Variants in GPC3 observed in about 807,000 individuals in gnomAD.
The protein encoded by GPC3 is glypican-3.
Under a neutral mutation model 34.4 loss-of-function variants are expected in GPC3, and 3 were observed. The ratio of observed to expected loss-of-function variants is 0.09; its 90% CI spans 0.04 to 0.23. The LOEUF (loss-of-function observed/expected upper bound fraction) is 0.23, where lower values mean the gene tolerates loss of function less well. Among genes scored for constraint, GPC3 ranks in the 10% least tolerant of loss-of-function variants. GPC3 has a pLI of 1.00. For missense variants in GPC3, 351 were observed against 445.6 expected (o/e 0.79, Z 1.91); for synonymous variants, 177 against 174.0 (o/e 1.02, Z -0.13).
chrX:133,646,645 T>C (rs2070547659), intron 6 of GPC3, among the ~76,000 whole-genome samples: 7 of 112,083 alleles, frequency 6.2e-5, no homozygotes, highest in Admixed American at 5.7e-4. Context: ...AGCTTGGAGT[T>C]GAAAGGAGGC....
intron 2 of GPC3, among the ~76,000 whole-genome samples, chrX:133,847,963 C>G (rs2075854507): frequency 8.9e-6 from 1 of 111,924 alleles, no homozygotes; most frequent in African/African-American, 3.2e-5. Context: ...TTTCTGAAAA[C>G]AGAAGCAGAG....
At chrX:133,573,186 A>G (rs2069648051) in intron 7 of GPC3, among the ~76,000 whole-genome samples, 1 of 112,005 alleles carries the variant, frequency 8.9e-6, no homozygotes, top group Non-Finnish European at 1.9e-5. Flanking sequence ...GAAATAGAAA[A>G]AGCATTTGAC....
intron 6 of GPC3, among the ~76,000 whole-genome samples, chrX:133,631,329 C>T (rs1289016766): frequency 8.9e-6 from 1 of 111,891 alleles, no homozygotes; most frequent in Admixed American, 9.6e-5. Context: ...CTCTAGATAT[C>T]TTATATAAGT....
chrX:133,559,905 CTA>C (rs1305396238), intron 7 of GPC3, among the ~76,000 whole-genome samples: 2 of 111,559 alleles, frequency 1.8e-5, no homozygotes, highest in African/African-American at 6.5e-5. Flanking sequence ...CTCTGTCTCT[CTA>C]TGTCTCTGCT....
intron 3 of GPC3, among the ~76,000 whole-genome samples, chrX:133,734,049 T>C (rs1168259828): frequency 8.9e-6 from 1 of 112,040 alleles, no homozygotes; most frequent in African/African-American, 3.2e-5. Flanking sequence ...AGTCATTCTA[T>C]GAAGCCAGTA....
chrX:133,968,063 T>C (rs1247284226), intron 1 of GPC3, among the ~76,000 whole-genome samples: 1 of 112,342 alleles, frequency 8.9e-6, no homozygotes, highest in Non-Finnish European at 1.9e-5. Flanking sequence ...GTTGAGGCAA[T>C]GATGGAAACA....
intron 6 of GPC3, among the ~76,000 whole-genome samples, 178 bp downstream of exon 6, chrX:133,661,552 C>A (rs1296390013): frequency 1.1e-5 from 1 of 89,961 alleles, no homozygotes; most frequent in Non-Finnish European, 2.1e-5. Context: ...ACAGTGGAAG[C>A]TGGCTATATC....
At chrX:133,616,159 A>T (rs935504276) in intron 6 of GPC3, among the ~76,000 whole-genome samples, 4 of 112,037 alleles carry the variant, frequency 3.6e-5, no homozygotes, top group Admixed American at 9.5e-5. Flanking sequence ...TTATTCAGAA[A>T]AAACTATCAG....
rs188118834 is a variant in GPC3, at chrX:133,867,533, T to C, written c.337+85517A>G. Among the ~76,000 whole-genome samples, 10 of 109,082 alleles carry C rather than the reference T, an allele frequency of 9.2e-5. No individual in the cohort carries two copies. In the East Asian group the frequency reaches 2.6e-3, roughly 29 times the overall value. 94.7% of individuals were successfully genotyped at this position (109,082 alleles called of 115,157 possible). A position where few individuals can be genotyped will look rare whatever the true frequency, so the allele number is the denominator to read the frequency against. Reference sequence around the variant, plus strand: ...TCATCCCACCTAGATATGCAGCTGCTGGAGGGCAGGCTTCTATCTCAAAAA... The same window carrying C: ...TCATCCCACCTAGATATGCAGCTGCCGGAGGGCAGGCTTCTATCTCAAAAA... On this transcript the variant is annotated intron_variant, in intron 2 of 7. Transcript: ENST00000370818.
At chrX:133,882,298 T>C (rs1482095628) in intron 2 of GPC3, among the ~76,000 whole-genome samples, 1 of 111,657 alleles carries the variant, frequency 9.0e-6, no homozygotes, top group Admixed American at 9.6e-5. Context: ...TAGCTTGACC[T>C]GAGTAGAAAC....
chrX:133,556,529 A>G (rs1290360055), intron 7 of GPC3, among the ~76,000 whole-genome samples: 1 of 109,997 alleles, frequency 9.1e-6, no homozygotes, highest in East Asian at 2.9e-4. Flanking sequence ...TGTATAAACA[A>G]TGCTGTAGTG....
intron 3 of GPC3, among the ~76,000 whole-genome samples, chrX:133,710,328 T>C (rs2071255486): frequency 8.9e-6 from 1 of 111,981 alleles, no homozygotes; most frequent in Admixed American, 9.5e-5. Flanking sequence ...TCTAGACAAG[T>C]CATTTACTTT....
intron 7 of GPC3, among the ~76,000 whole-genome samples, chrX:133,569,766 C>CCT (rs1184734291): frequency 1.8e-5 from 2 of 112,173 alleles, no homozygotes; most frequent in South Asian, 7.4e-4. Context: ...TAAATACAAA[C>CCT]CGTAAGCTCT....
At chrX:133,792,843 G>A (rs1569433795) in intron 2 of GPC3, among the ~76,000 whole-genome samples, 1 of 111,369 alleles carries the variant, frequency 9.0e-6, no homozygotes, top group Non-Finnish European at 1.9e-5. Context: ...AAAACCATCT[G>A]TTCTTGCCAG....
At chrX:133,667,462 A>G (rs2124406990) in intron 5 of GPC3, among the ~76,000 whole-genome samples, 1 of 111,799 alleles carries the variant, frequency 8.9e-6, no homozygotes, top group Admixed American at 9.5e-5. Flanking sequence ...GACAGAACAC[A>G]TATTTGGGGC....
chrX:133,969,395 C>T (rs772211120), intron 1 of GPC3, among the ~76,000 whole-genome samples: 6 of 111,603 alleles, frequency 5.4e-5, no homozygotes, highest in Non-Finnish European at 1.1e-4. Context: ...AGAATGGGAC[C>T]CCACATTCTT....
intron 6 of GPC3, among the ~76,000 whole-genome samples, chrX:133,617,281 A>G (rs1460009627): frequency 9.0e-6 from 1 of 111,598 alleles, no homozygotes; most frequent in African/African-American, 3.3e-5. Flanking sequence ...TTCCTTCTAA[A>G]CATGATTTTA....
At chrX:133,886,760 T>C (rs1000395319) in intron 2 of GPC3, among the ~76,000 whole-genome samples, 1 of 112,439 alleles carries the variant, frequency 8.9e-6, no homozygotes, top group South Asian at 3.7e-4. Context: ...ATCCATGTTG[T>C]TGCAAATGAT....
intron 5 of GPC3, among the ~76,000 whole-genome samples, chrX:133,664,452 A>T (rs2070752364): frequency 8.9e-6 from 1 of 112,141 alleles, no homozygotes; most frequent in Admixed American, 9.5e-5. Flanking sequence ...TCCTATAAAA[A>T]ATATGGTGGT....
Sources: allele counts gnomAD v4.1 joint callset (sites outside exome capture counted in the v4.1 genomes callset), GRCh38; gene constraint gnomAD v4.1.1; transcripts MANE v1.5; gene names NCBI Gene and HGNC (gene_info 2026-07-23, HGNC 2026-07-21).